GRIN2B: variants seen among roughly 807,000 people sequenced by gnomAD.
GRIN2B encodes glutamate receptor ionotropic, NMDA 2B.
Under a neutral mutation model 114.5 loss-of-function variants are expected in GRIN2B, and 5 were observed. That is an observed-to-expected ratio of 0.04 (90% CI 0.02 to 0.09). The LOEUF is 0.09. Among genes scored for constraint, GRIN2B ranks in the 10% least tolerant of loss-of-function variants. The pLI, the probability that GRIN2B is intolerant of heterozygous loss-of-function variation, is 1.00. For missense variants in GRIN2B, 1,108 were observed against 1,943.5 expected, an observed-to-expected ratio of 0.57 and a Z score of 8.08; for synonymous variants, 787 against 745.1, an observed-to-expected ratio of 1.06 and a Z score of -0.92.
intron 4 of GRIN2B, among the ~76,000 whole-genome samples, chr12:13,751,224 G>A (rs1347637666): frequency 2.6e-5 from 4 of 152,208 alleles, no homozygotes; most frequent in Non-Finnish European, 1.5e-5. Context: ...GACAGGCAGG[G>A]CCCATGAGGC....
chr12:13,890,842 T>C (rs1866247928), intron 2 of GRIN2B, among the ~76,000 whole-genome samples: 1 of 152,126 alleles, frequency 6.6e-6, no homozygotes, highest in Non-Finnish European at 1.5e-5. Flanking sequence ...TTGAGCACCA[T>C]GCAGACTTTC....
intron 2 of GRIN2B, among the ~76,000 whole-genome samples, chr12:13,937,974 T>C (rs1867158650): frequency 6.6e-6 from 1 of 152,056 alleles, no homozygotes; most frequent in Non-Finnish European, 1.5e-5. Flanking sequence ...ACCTTACGTG[T>C]GAAGAGATAC....
intron 2 of GRIN2B, among the ~76,000 whole-genome samples, chr12:13,935,270 G>A (rs1867106533): frequency 6.6e-6 from 1 of 152,180 alleles, no homozygotes; most frequent in South Asian, 2.1e-4. Context: ...ATAAGCCATA[G>A]TTAGTAACTG....
At chr12:13,611,575 G>T in intron 9 of GRIN2B, 150 bp downstream of exon 9, 1 of 821,796 alleles carries the variant, frequency 1.2e-6, no homozygotes. Flanking sequence ...CTAAAGAGAC[G>T]CCAAGCTGGT....
intron 2 of GRIN2B, among the ~76,000 whole-genome samples, chr12:13,904,666 T>C (rs1015326281): frequency 3.9e-5 from 6 of 152,138 alleles, no homozygotes; most frequent in Non-Finnish European, 1.5e-5. Flanking sequence ...TTCTAGTTTT[T>C]ATTTTTCCAA....
intron 5 of GRIN2B, among the ~76,000 whole-genome samples, chr12:13,633,896 C>T (rs547541085): frequency 3.0e-4 from 46 of 151,718 alleles, no homozygotes; most frequent in Non-Finnish European, 6.0e-4. Flanking sequence ...CCTCTCAGCG[C>T]CTACGACACA....
intron 10 of GRIN2B, among the ~76,000 whole-genome samples, chr12:13,592,438 T>TGCCAAGG (rs1565466546): frequency 6.6e-6 from 1 of 152,192 alleles, no homozygotes; most frequent in Non-Finnish European, 1.5e-5. Context: ...GACAGGCTTC[T>TGCCAAGG]CTCTGCTGTA....
At chr12:13,634,311 A>G (rs1020817293) in intron 5 of GRIN2B, 1 of 152,234 alleles carries the variant, frequency 6.6e-6, no homozygotes, top group Non-Finnish European at 1.5e-5. Context: ...TGTATTAACT[A>G]TGGTAGGCTA....
intron 3 of GRIN2B, among the ~76,000 whole-genome samples, chr12:13,778,807 T>A (rs1864053185): frequency 6.6e-6 from 1 of 152,210 alleles, no homozygotes; most frequent in South Asian, 2.1e-4. Flanking sequence ...TCATTCTTCG[T>A]TTTATATTTT....
At chr12:13,591,303 G>A (rs1949006021) in intron 10 of GRIN2B, among the ~76,000 whole-genome samples, 1 of 152,176 alleles carries the variant, frequency 6.6e-6, no homozygotes, top group Admixed American at 6.5e-5. Flanking sequence ...TTAATCATCT[G>A]CTAGAAACAG....
chr12:13,562,729 C>T lies in GRIN2B; in HGVS notation c.*54G>A, dbSNP rs200503380. On this transcript the variant is annotated 3_prime_UTR_variant, in exon 14 of 14. Transcript: ENST00000609686. ...GTCACCCTCCGTGACATGCGCATCA[C>T]GCGACCCACAGCCTTACCCTCCCGT... 2.0e-4 allele frequency: 281 copies of T among 1,424,146 alleles called. No homozygotes were observed. The highest frequency in any genetic ancestry group is 2.6e-4 in the Non-Finnish European group (263 of 1,007,050). The allele number at this position is 1,424,146 out of a possible 1,614,324, so 88.2% of individuals were successfully genotyped here.
In GRIN2B at chr12:13,605,377, C is replaced by T. The variant is rs117854903; in HGVS notation, c.2010+3226G>A. On this transcript the variant is annotated intron_variant, in intron 10 of 13. Coordinates refer to ENST00000609686, the MANE Select transcript of GRIN2B (RefSeq NM_000834.5). Reference sequence around the variant, plus strand: ...TGAAAAAGTGGGGAAAAAAGCCTCCCGGGCAGATGCATAGATAGAGGTATG... The same window carrying T: ...TGAAAAAGTGGGGAAAAAAGCCTCCTGGGCAGATGCATAGATAGAGGTATG... Among the ~76,000 whole-genome samples the T allele has an allele frequency of 1.7e-3, 265 of 152,002 alleles. 1 individual carries two copies. Among genetic ancestry groups the T allele is most frequent in the South Asian group, 3.5e-3 (17 of 4,798 alleles).
chr12:13,754,112 A>G (rs1347931551), intron 3 of GRIN2B, among the ~76,000 whole-genome samples, 197 bp from the exon 4 acceptor site: 1 of 152,194 alleles, frequency 6.6e-6, no homozygotes, highest in African/African-American at 2.4e-5. Context: ...TCTTCCTAAA[A>G]TTGTCTCCTA....
chr12:13,943,412 A>G (rs2136838806), intron 2 of GRIN2B, among the ~76,000 whole-genome samples: 1 of 152,254 alleles, frequency 6.6e-6, no homozygotes, highest in Admixed American at 6.5e-5. Context: ...AGGATCCTGA[A>G]GTCAGATGAT....
At chr12:13,887,037 C>A (rs921858880) in intron 2 of GRIN2B, among the ~76,000 whole-genome samples, 1 of 152,142 alleles carries the variant, frequency 6.6e-6, no homozygotes, top group Admixed American at 6.5e-5. Context: ...AATGGAGGAG[C>A]TAGGATACAA....
intron 3 of GRIN2B, among the ~76,000 whole-genome samples, chr12:13,857,276 A>C (rs557398921): frequency 6.6e-6 from 1 of 152,260 alleles, no homozygotes; most frequent in Non-Finnish European, 1.5e-5. Flanking sequence ...TATTTTGGGT[A>C]AGACTATTCT....
At position 13,611,722 on chromosome 12, in the gene GRIN2B, T is replaced by C. The variant is rs1485675221; in HGVS notation, c.1780+3A>G. Reference sequence around the variant, plus strand: ...GAAGTGCAGCGGTTCCAGCCGGCCTTACCTCTGCCATCAGCGAGGCACCTG... The same window carrying C: ...GAAGTGCAGCGGTTCCAGCCGGCCTCACCTCTGCCATCAGCGAGGCACCTG... On this transcript the variant is annotated splice_donor_region_variant and intron_variant, in intron 9 of 13. Coordinates refer to ENST00000609686, the MANE Select transcript of GRIN2B (RefSeq NM_000834.5). The C allele has an allele frequency of 1.2e-6, 2 of 1,613,804 alleles. No individual in the cohort carries two copies. Among genetic ancestry groups the C allele is most frequent in the East Asian group, 4.5e-5 (2 of 44,872 alleles).
chr12:13,718,337 G>C (rs1591693942), intron 4 of GRIN2B, among the ~76,000 whole-genome samples: 1 of 152,006 alleles, frequency 6.6e-6, no homozygotes, highest in East Asian at 1.9e-4. Context: ...AGCCTGATCA[G>C]TCAAGAAACT....
Position 13,563,859 on chromosome 12 carries a change from C to T in GRIN2B, c.3379G>A (p.Glu1127Lys), listed in dbSNP as rs267603392. The part of the protein sequence containing the change: ...PDHKRYFRDK[E>K]GLRDFYLDQF... ...TCCAGGTAGAAGTCCCGTAGCCCTT[C>T]CTTGTCCCTGAAGTAGCGCTTGTGG... is the stretch of plus-strand genomic sequence containing the variant. Residue 1127 changes from glutamate to lysine, a missense_variant, in exon 14 of 14, where the codon GAA becomes AAA. Physicochemically the swap from Glu to Lys is moderately conservative, Grantham distance 56 (BLOSUM62 1). This residue lies in a region of GRIN2B where 478 missense variants were observed against 506.0 expected (regional missense o/e 0.94). Transcript: ENST00000609686. 2 of 1,614,136 alleles carry T rather than the reference C, an allele frequency of 1.2e-6. No homozygotes were observed. The highest frequency in any genetic ancestry group is 1.1e-5 in the South Asian group (1 of 91,080).
Sources: gnomAD v4.1 joint callset for allele counts (sites outside exome capture counted in the v4.1 genomes callset) on GRCh38, gnomAD v4.1.1 for gene constraint, gnomAD v4.1.1 regional missense constraint, MANE v1.5 for transcripts, NCBI Gene and HGNC (gene_info 2026-07-23, HGNC 2026-07-21) for gene names.